The following POMT2 variants were observed in gnomAD, a reference collection of about 807,000 sequenced individuals.
POMT2 encodes the protein protein O-mannosyl-transferase 2.
A neutral mutation model predicts 100.0 loss-of-function variants in POMT2; 75 were observed. The ratio of observed to expected loss-of-function variants is 0.75; its 90% CI spans 0.62 to 0.91. The LOEUF (loss-of-function observed/expected upper bound fraction) is 0.91. POMT2 is among the 40% of genes least tolerant of loss of function. POMT2 has a pLI of 0.00. For missense variants in POMT2, 940 were observed against 955.1 expected, an observed-to-expected ratio of 0.98 and a Z score of 0.21; for synonymous variants, 378 against 374.1, an observed-to-expected ratio of 1.01 and a Z score of -0.12.
In POMT2 at chr14:77,279,799, G is replaced by C. The variant is rs1388536057; in HGVS notation, c.1891+24C>G. ...GTGCCCTGCTGCCGCCAGGTCAGGG[G>C]AGGGAGAGCCCAGAGGACCTGACCT... On this transcript the variant is annotated intron_variant, in intron 18 of 20. Transcript: ENST00000261534. The C allele has an allele frequency of 6.9e-6, 11 of 1,605,718 alleles. No homozygotes were observed. In the South Asian group the frequency reaches 1.2e-4, roughly 18 times the overall value.
chr14:77,292,033 A>G (rs1022506623), intron 9 of POMT2, among the ~76,000 whole-genome samples: 24 of 150,140 alleles, frequency 1.6e-4, no homozygotes, highest in South Asian at 2.1e-4. Context: ...CTATCTTGGG[A>G]AAAAAAAAAG....
At chr14:77,290,333 A>T (rs1190158160) in intron 10 of POMT2, among the ~76,000 whole-genome samples, 1 of 152,212 alleles carries the variant, frequency 6.6e-6, no homozygotes, top group South Asian at 2.1e-4. Context: ...ATCAATATCC[A>T]TTATAAAAGT....
intron 3 of POMT2, among the ~76,000 whole-genome samples, 158 bp from the exon 4 acceptor site, chr14:77,304,958 T>C (rs926256849): frequency 5.9e-5 from 9 of 152,172 alleles, no homozygotes; most frequent in Admixed American, 3.3e-4. Context: ...GAAAAGAGTA[T>C]TGTAATAGTG....
chr14:77,285,459 C>T (rs763281415), intron 13 of POMT2, 22 bp downstream of exon 13: 1 of 1,614,066 alleles, frequency 6.2e-7, no homozygotes, highest in Non-Finnish European at 8.5e-7. Flanking sequence ...TCGATTGGGA[C>T]AGCAAAACCC....
chr14:77,304,687 C>G lies in POMT2; in HGVS notation c.547+5G>C. 6.3e-7 allele frequency: 1 copy of G among 1,578,090 alleles called. No homozygotes were observed. Among genetic ancestry groups the G allele is most frequent in the Non-Finnish European group, 8.6e-7 (1 of 1,162,616 alleles). On this transcript the variant is annotated splice_donor_5th_base_variant and intron_variant, in intron 4 of 20. Transcript: ENST00000261534. ...AAAAGCCATGGTATGGCTAAGACAA[C>G]TTACCAAAGGTGAGGAGGGCAGCTG...
At chr14:77,320,243 C>T in intron 1 of POMT2, 191 bp downstream of exon 1, 1 of 923,186 alleles carries the variant, frequency 1.1e-6, no homozygotes, top group Non-Finnish European at 1.6e-6. Flanking sequence ...CACTGCCCCA[C>T]CACCAGAGCA....
intron 7 of POMT2, 46 bp from the exon 8 acceptor site, chr14:77,298,817 A>G: frequency 6.4e-7 from 1 of 1,559,966 alleles, no homozygotes. Flanking sequence ...AAAGGAGTGA[A>G]AGTGTGATTT....
intron 8 of POMT2, among the ~76,000 whole-genome samples, chr14:77,297,185 T>A (rs548239526): frequency 6.6e-6 from 1 of 152,244 alleles, no homozygotes; most frequent in Admixed American, 6.5e-5. Flanking sequence ...TGTGTTCTTC[T>A]GAGTTCTCAG....
chr14:77,280,662 T>A (rs1314974998), intron 15 of POMT2, among the ~76,000 whole-genome samples, 199 bp from the exon 16 acceptor site: 1 of 151,796 alleles, frequency 6.6e-6, no homozygotes, highest in Non-Finnish European at 1.5e-5. Flanking sequence ...CAAGCCTCCA[T>A]CTCCCATAAG....
chr14:77,292,915 A>C (rs1289840798), intron 9 of POMT2, among the ~76,000 whole-genome samples: 1 of 152,172 alleles, frequency 6.6e-6, no homozygotes, highest in African/African-American at 2.4e-5. Flanking sequence ...AGTACATACT[A>C]TGATGTTCAC....
At chr14:77,299,750 T>C (rs1002967787) in intron 6 of POMT2, 189 bp from the exon 7 acceptor site, 10 of 575,232 alleles carry the variant, frequency 1.7e-5, no homozygotes, top group African/African-American at 1.5e-4. Flanking sequence ...CTACACAAGA[T>C]AAACATGGGC....
intron 15 of POMT2, among the ~76,000 whole-genome samples, chr14:77,283,012 G>C (rs1346529040): frequency 6.6e-6 from 1 of 152,232 alleles, no homozygotes; most frequent in Non-Finnish European, 1.5e-5. Context: ...ATTTAAGCTA[G>C]TGAGTAGAAT....
Position 77,277,413 on chromosome 14 carries a change from A to G in POMT2, c.2216T>C (p.Met739Thr). 6.2e-7 allele frequency: 1 copy of G among 1,614,072 alleles called. No homozygotes were observed. The highest frequency in any genetic ancestry group is 1.3e-5 in the African/African-American group (1 of 75,064). Residue 739 changes from methionine (M) to threonine (T), a missense_variant, in exon 21 of 21, where the codon ATG becomes ACG. By Grantham distance (81) the Met-to-Thr change is moderately conservative. Transcript: ENST00000261534. ...TGAGTCCAGCCACCTTAGTCCTGCC[A>G]TTGGACTTTGGGGGTCCTGGGCCAG... ...GPLAQDPQSP[M>T]AGLRWLDSWD...
intron 13 of POMT2, 164 bp from the exon 14 acceptor site, chr14:77,285,205 T>C: frequency 6.7e-6 from 5 of 743,378 alleles, no homozygotes; most frequent in Non-Finnish European, 1.1e-5. Flanking sequence ...TAGTCTAGCA[T>C]ACAGTATTCC....
intron 7 of POMT2, 42 bp from the exon 8 acceptor site, chr14:77,298,813 G>A: frequency 6.4e-7 from 1 of 1,565,402 alleles, no homozygotes; most frequent in East Asian, 2.3e-5. Flanking sequence ...AGTTAAAGGA[G>A]TGAAAGTGTG....
In POMT2 at chr14:77,283,881, A is replaced by G. The variant is rs1203634380; in HGVS notation, c.1577-8T>C. On this transcript the variant is annotated splice_polypyrimidine_tract_variant and splice_region_variant and intron_variant, in intron 14 of 20. Coordinates refer to ENST00000261534, the MANE Select transcript of POMT2 (RefSeq NM_013382.7). Reference sequence around the variant, plus strand: ...CCAGGCTGATGTTTGGCACTAGGGGAAAAAAATGCAGGAGAAAAGCCTTTG... The same window carrying G: ...CCAGGCTGATGTTTGGCACTAGGGGGAAAAAATGCAGGAGAAAAGCCTTTG... 1 of 1,597,808 alleles carries G rather than the reference A, an allele frequency of 6.3e-7. No individual in the cohort carries two copies. The highest frequency in any genetic ancestry group is 8.6e-7 in the Non-Finnish European group (1 of 1,165,362).
chr14:77,302,516 C>A (rs560863348), intron 5 of POMT2, among the ~76,000 whole-genome samples: 1 of 152,074 alleles, frequency 6.6e-6, no homozygotes, highest in African/African-American at 2.4e-5. Flanking sequence ...AGTATTAGGA[C>A]CCCCCATGAT....
intron 15 of POMT2, among the ~76,000 whole-genome samples, chr14:77,280,668 A>G (rs1890186879): frequency 6.6e-6 from 1 of 151,514 alleles, no homozygotes. Flanking sequence ...TCCATCTCCC[A>G]TAAGGGGTCC....
At chr14:77,288,704 T>C (rs1890529136) in intron 11 of POMT2, 58 bp downstream of exon 11, 22 of 1,465,776 alleles carry the variant, frequency 1.5e-5, no homozygotes, top group Non-Finnish European at 2.1e-5. Flanking sequence ...CTTCTTAAAA[T>C]AACTCCCTCC....
Sources: allele counts gnomAD v4.1 joint callset (sites outside exome capture counted in the v4.1 genomes callset), GRCh38; gene constraint gnomAD v4.1.1; transcripts MANE v1.5; gene names NCBI Gene and HGNC (gene_info 2026-07-23, HGNC 2026-07-21).